The following MPPED1 variants were observed in gnomAD, a reference collection of about 807,000 sequenced individuals.
MPPED1 encodes metallophosphoesterase domain-containing protein 1.
In MPPED1, 16 loss-of-function variants were observed where a neutral mutation model predicts 36.2. The observed-to-expected ratio is 0.44, with a 90% confidence interval of 0.30 to 0.67. MPPED1 has a LOEUF of 0.67. Among genes scored for constraint, MPPED1 ranks in the 30% least tolerant of loss-of-function variants. MPPED1 has a pLI of 0.10. For synonymous variants in MPPED1, 199 were observed against 191.3 expected, an observed-to-expected ratio of 1.04 and a Z score of -0.33; for missense variants, 307 against 453.4, an observed-to-expected ratio of 0.68 and a Z score of 2.93.
intron 3 of MPPED1, among the ~76,000 whole-genome samples, chr22:43,443,099 A>C (rs1273659914): frequency 6.6e-6 from 1 of 152,150 alleles, no homozygotes; most frequent in Non-Finnish European, 1.5e-5. Flanking sequence ...TGATCAATGC[A>C]CAGGGTAGGC....
At chr22:43,484,766 C>T (rs961261346) in intron 4 of MPPED1, among the ~76,000 whole-genome samples, 3 of 152,128 alleles carry the variant, frequency 2.0e-5, no homozygotes, top group Non-Finnish European at 2.9e-5. Context: ...GTGTGAGCCC[C>T]GCCTGAGCCT....
chr22:43,473,482 G>A (rs1025187040), intron 3 of MPPED1, among the ~76,000 whole-genome samples: 4 of 152,206 alleles, frequency 2.6e-5, no homozygotes, highest in Non-Finnish European at 5.9e-5. Flanking sequence ...CTGTGCTGGC[G>A]TCTTTGCTAC....
intron 2 of MPPED1, 53 bp from the exon 3 acceptor site, chr22:43,434,981 G>A (rs944835321): frequency 2.5e-5 from 39 of 1,576,398 alleles, no homozygotes; most frequent in South Asian, 1.1e-4. Flanking sequence ...CACACCACCC[G>A]CAGGCTCGCG....
chr22:43,459,054 A>G (rs1420571586), intron 3 of MPPED1, among the ~76,000 whole-genome samples: 1 of 151,788 alleles, frequency 6.6e-6, no homozygotes, highest in Non-Finnish European at 1.5e-5. Context: ...AGGTTTTGCT[A>G]TTGTTTCCTT....
intron 4 of MPPED1, among the ~76,000 whole-genome samples, chr22:43,487,684 G>A (rs1931955040): frequency 6.6e-6 from 1 of 152,192 alleles, no homozygotes; most frequent in African/African-American, 2.4e-5. Flanking sequence ...AGAGCCTGTG[G>A]CCTGGCACCC....
intron 2 of MPPED1, among the ~76,000 whole-genome samples, chr22:43,432,908 A>AAG (rs758395241): frequency 5.7e-5 from 1 of 17,626 alleles, no homozygotes; most frequent in Non-Finnish European, 2.2e-4. Flanking sequence ...GAGAGAGGGA[A>AAG]AGAGAAAGGG....
chr22:43,420,743 A>C (rs1929242153), intron 1 of MPPED1, among the ~76,000 whole-genome samples: 1 of 151,718 alleles, frequency 6.6e-6, no homozygotes, highest in Admixed American at 6.6e-5. Context: ...TCAAACCATC[A>C]CCCTGTTCTG....
In MPPED1 at chr22:43,412,154, G is replaced by T. The variant is rs1928922909; in HGVS notation, c.-83G>T. 1 of 979,970 alleles carries T rather than the reference G, an allele frequency of 1.0e-6. No individual in the cohort carries two copies. Among genetic ancestry groups the T allele is most frequent in the Non-Finnish European group, 1.2e-6 (1 of 827,624 alleles). The allele number at this position is 979,970 out of a possible 1,614,324, so 60.7% of individuals were successfully genotyped here. A position where few individuals can be genotyped will look rare whatever the true frequency, so the allele number is the denominator to read the frequency against. On this transcript the variant is annotated 5_prime_UTR_variant, in exon 1 of 7. Coordinates refer to ENST00000443721, the MANE Select transcript of MPPED1 (RefSeq NM_001044370.2). ...CGCGGCCGCCGAAGAGGAGCCCGGG[G>T]CCAGGTAGGACCGGAGGCGGGCGGG...
At chr22:43,489,369 G>C (rs1344733259) in intron 4 of MPPED1, among the ~76,000 whole-genome samples, 1 of 151,992 alleles carries the variant, frequency 6.6e-6, no homozygotes, top group Admixed American at 6.5e-5. Flanking sequence ...ACCCCAAGGG[G>C]TCTACTCAGT....
At chr22:43,462,974 A>G (rs1327018679) in intron 3 of MPPED1, among the ~76,000 whole-genome samples, 1 of 152,190 alleles carries the variant, frequency 6.6e-6, no homozygotes, top group Non-Finnish European at 1.5e-5. Flanking sequence ...TGCATGTTAG[A>G]AAAGATCTTT....
chr22:43,416,908 T>C (rs1226146557), intron 1 of MPPED1: 2 of 840,370 alleles, frequency 2.4e-6, no homozygotes, highest in African/African-American at 3.7e-5. Context: ...GCAATGGGAA[T>C]GGAGAATATT....
intron 3 of MPPED1, among the ~76,000 whole-genome samples, chr22:43,435,743 G>C (rs1601956877): frequency 6.6e-6 from 1 of 152,198 alleles, no homozygotes; most frequent in African/African-American, 2.4e-5. Flanking sequence ...TGTAATCCCA[G>C]CTACATCGGA....
At position 43,470,106 on chromosome 22, in the gene MPPED1, TCATC is replaced by T. The variant is rs201279311; in HGVS notation, c.407-4606_407-4603del. On this transcript the variant is annotated intron_variant, in intron 3 of 6. Transcript: ENST00000443721. Reference sequence around the variant, plus strand: ...ACCCATCCATCCATCCATCCATAAATCATCCATCCATCCATCCATCCATCCATTC... The same window carrying T: ...ACCCATCCATCCATCCATCCATAAATCATCCATCCATCCATCCATCCATTC... Among the ~76,000 whole-genome samples, 558 of 150,100 alleles carry T rather than the reference TCATC, an allele frequency of 3.7e-3. 1 individual carries two copies. Among genetic ancestry groups the T allele is most frequent in the African/African-American group, 9.9e-3 (406 of 40,890 alleles).
chr22:43,429,765 A>G (rs1188429182), intron 2 of MPPED1, among the ~76,000 whole-genome samples: 1 of 152,184 alleles, frequency 6.6e-6, no homozygotes, highest in Non-Finnish European at 1.5e-5. Context: ...ACAGGCGGCA[A>G]GACTCAGAAG....
intron 1 of MPPED1, chr22:43,418,596 A>G (rs1343112382): frequency 5.8e-6 from 1 of 172,410 alleles, no homozygotes; most frequent in Non-Finnish European, 1.2e-5. Flanking sequence ...ACTCCTCAAA[A>G]TAGAGTTCTG....
In MPPED1 at chr22:43,506,967, G is replaced by T. The variant is rs1305204807; in HGVS notation, c.*1351G>T. ...CTTTCCGTTGTACATCTGAGAGAAG[G>T]GTGTCACTCCCTCACCCAGGTCCCA... On this transcript the variant is annotated 3_prime_UTR_variant, in exon 7 of 7. Transcript: ENST00000443721. 6.6e-6 allele frequency: 1 copy of T among 152,104 alleles called. No individual in the cohort carries two copies. Among genetic ancestry groups the T allele is most frequent in the East Asian group, 1.9e-4 (1 of 5,190 alleles). 9.4% of individuals were successfully genotyped at this position (152,104 alleles called of 1,614,324 possible). A position where few individuals can be genotyped will look rare whatever the true frequency, so the allele number is the denominator to read the frequency against.
rs143636368 is a variant in MPPED1 at position 43,442,182 on chromosome 22, C to A, written c.406+6967C>A. 2.9e-4 allele frequency among the ~76,000 whole-genome samples: 44 copies of A among 152,030 alleles called. No homozygotes were observed. In the Middle Eastern group the frequency reaches 0.01, roughly 35 times the overall value. On this transcript the variant is annotated intron_variant, in intron 3 of 6. Coordinates refer to ENST00000443721, the MANE Select transcript of MPPED1 (RefSeq NM_001044370.2). ...CTCTTCTACTTGGGGGTGCGGAAAC[C>A]AACCTTGGATGCGGATGGGAAGGTC...
chr22:43,459,031 A>G (rs1034612801), intron 3 of MPPED1, among the ~76,000 whole-genome samples: 5 of 151,570 alleles, frequency 3.3e-5, no homozygotes, highest in Non-Finnish European at 5.9e-5. Context: ...AATGTTTTTC[A>G]TCAAATTTGG....
intron 3 of MPPED1, among the ~76,000 whole-genome samples, chr22:43,460,313 GTTTA>G (rs1428688257): frequency 7.7e-6 from 1 of 129,166 alleles, no homozygotes; most frequent in Non-Finnish European, 1.6e-5. Flanking sequence ...ACTGGATTTT[GTTTA>G]TTTGTTTGTT....
Sources: gnomAD v4.1 joint callset for allele counts (sites outside exome capture counted in the v4.1 genomes callset) on GRCh38, gnomAD v4.1.1 for gene constraint, MANE v1.5 for transcripts, NCBI Gene and HGNC (gene_info 2026-07-23, HGNC 2026-07-21) for gene names.